Variants in FKBP1A observed in about 807,000 individuals in gnomAD.
The protein encoded by FKBP1A is FKBP prolyl isomerase 1A.
Under a neutral mutation model 14.2 loss-of-function variants are expected in FKBP1A, and 5 were observed. The observed-to-expected ratio is 0.35, with a 90% confidence interval of 0.18 to 0.74. The LOEUF is 0.74. Ranked by LOEUF, FKBP1A falls within the 30% of genes least tolerant of loss-of-function variation. The pLI, the probability that FKBP1A is intolerant of heterozygous loss-of-function variation, is 0.56. For synonymous variants in FKBP1A, 42 were observed against 49.1 expected, an observed-to-expected ratio of 0.86 and a Z score of 0.60; for missense variants, 53 against 138.8, an observed-to-expected ratio of 0.38 and a Z score of 3.10.
intron 3 of FKBP1A, among the ~76,000 whole-genome samples, chr20:1,372,654 AAT>A (rs1278744488): frequency 1.3e-5 from 2 of 152,254 alleles, no homozygotes; most frequent in African/African-American, 2.4e-5. Flanking sequence ...GCTTTAAAAA[AAT>A]ATATACACAG....
At chr20:1,388,344 G>T (rs1010193594) in intron 2 of FKBP1A, among the ~76,000 whole-genome samples, 4 of 152,152 alleles carry the variant, frequency 2.6e-5, no homozygotes, top group Non-Finnish European at 5.9e-5. Context: ...AAAAAACAGC[G>T]TAAGGACTCT....
Position 1,369,542 on chromosome 20 carries a change from C to T in FKBP1A, c.*567G>A, listed in dbSNP as rs1449195702. ...GGTGGAGGCAAAGGCTCTCCCCATC[C>T]CCACCTCAGTTTTAGGTAGGGCTTT... On this transcript the variant is annotated 3_prime_UTR_variant, in exon 5 of 5. Coordinates refer to ENST00000400137, the MANE Select transcript of FKBP1A (RefSeq NM_000801.5). The T allele has an allele frequency of 6.0e-6, 1 of 167,514 alleles. No individual in the cohort carries two copies. Among genetic ancestry groups the T allele is most frequent in the Non-Finnish European group, 1.5e-5 (1 of 68,478 alleles). The allele number at this position is 167,514 out of a possible 1,614,324, so 10.4% of individuals were successfully genotyped here.
intron 2 of FKBP1A, among the ~76,000 whole-genome samples, chr20:1,383,220 T>C (rs373393816): frequency 1.3e-5 from 2 of 152,306 alleles, no homozygotes; most frequent in East Asian, 3.9e-4. Flanking sequence ...CTCTACAGAC[T>C]TATGGCTTCA....
At chr20:1,390,672 A>G (rs2089724861) in intron 2 of FKBP1A, among the ~76,000 whole-genome samples, 1 of 151,980 alleles carries the variant, frequency 6.6e-6, no homozygotes, top group South Asian at 2.1e-4. Context: ...TACAGATGAG[A>G]TCTCCCAGTG....
At chr20:1,388,766 A>G (rs910899691) in intron 2 of FKBP1A, among the ~76,000 whole-genome samples, 8 of 152,194 alleles carry the variant, frequency 5.3e-5, no homozygotes, top group Non-Finnish European at 1.2e-4. Context: ...GGGGGCGGGC[A>G]TTAAAAGCCA....
At chr20:1,370,978 T>C in intron 4 of FKBP1A, 1 of 985,332 alleles carries the variant, frequency 1.0e-6, no homozygotes, top group Non-Finnish European at 1.2e-6. Flanking sequence ...ATTACCAAGG[T>C]GTGTGTGGTT....
intron 2 of FKBP1A, chr20:1,376,857 C>T (rs866718440): frequency 1.1e-4 from 16 of 152,144 alleles, no homozygotes; most frequent in South Asian, 4.1e-4. Flanking sequence ...ACTCCAGAGA[C>T]GCTATGAGAA....
rs1056771956 is a variant in FKBP1A at position 1,375,392 on chromosome 20, T to C, written c.198+99A>G. On this transcript the variant is annotated intron_variant, in intron 3 of 4. Transcript: ENST00000400137. ...ATGGGATGGCATGAGGGTGAGACTTTTCACTTTTTTTATTTTTGAACCGTA... is the reference window on the plus strand; with the variant it reads ...ATGGGATGGCATGAGGGTGAGACTTCTCACTTTTTTTATTTTTGAACCGTA... The C allele has an allele frequency of 3.6e-6, 3 of 827,824 alleles. No homozygotes were observed. In the African/African-American group the frequency reaches 5.2e-5, roughly 14 times the overall value. The allele number at this position is 827,824 out of a possible 1,614,324, so 51.3% of individuals were successfully genotyped here.
intron 4 of FKBP1A, 35 bp from the exon 5 acceptor site, chr20:1,370,107 A>ACTCAGTGTTCTTTGTGTGCAGTGGC: frequency 6.5e-7 from 1 of 1,542,342 alleles, no homozygotes; most frequent in Non-Finnish European, 8.7e-7. Flanking sequence ...GTTTCCAGCA[A>ACTCAGTGTTCTTTGTGTGCAGTGGC]CTCAGTGTTC....
chr20:1,392,937 C>T (rs2089759564), intron 1 of FKBP1A, 25 bp downstream of exon 1: 2 of 1,450,714 alleles, frequency 1.4e-6, no homozygotes, highest in African/African-American at 1.5e-5. Context: ...AGAGGTACTC[C>T]GAGCCGCCGC....
chr20:1,389,877 T>C (rs1174239468), intron 2 of FKBP1A, among the ~76,000 whole-genome samples: 1 of 152,118 alleles, frequency 6.6e-6, no homozygotes, highest in East Asian at 1.9e-4. Flanking sequence ...GCAGCTTACC[T>C]TTCCACCACC....
rs1226197285 is a variant in FKBP1A at position 1,392,973 on chromosome 20, G to A, written c.26C>T (p.Ser9Phe). 63 of 1,498,128 alleles carry A rather than the reference G, an allele frequency of 4.2e-5. No homozygotes were observed. The highest frequency in any genetic ancestry group is 5.3e-5 in the Non-Finnish European group (60 of 1,131,164). The allele number at this position is 1,498,128 out of a possible 1,614,324, so 92.8% of individuals were successfully genotyped here. A position where few individuals can be genotyped will look rare whatever the true frequency, so the allele number is the denominator to read the frequency against. MGVQVETI[S>F]PGDGRTFPKR... ...GCGCCACTACTCACCGTCTCCTGGG[G>A]AGATGGTTTCCACCTGCACTCCCAT... Residue 9 changes from serine (S) to phenylalanine (F), a missense_variant, in exon 1 of 5, where the codon TCC becomes TTC. Ser to Phe is a radical substitution (Grantham distance 155). Coordinates refer to ENST00000400137, the MANE Select transcript of FKBP1A (RefSeq NM_000801.5).
chr20:1,370,805 TAC>T, intron 4 of FKBP1A: 1 of 985,256 alleles, frequency 1.0e-6, no homozygotes, highest in Non-Finnish European at 1.2e-6. Flanking sequence ...CTCCCTCGAG[TAC>T]AGTTATGTTC....
At chr20:1,387,979 G>A (rs2089685474) in intron 2 of FKBP1A, among the ~76,000 whole-genome samples, 1 of 151,120 alleles carries the variant, frequency 6.6e-6, no homozygotes, top group Admixed American at 6.6e-5. Flanking sequence ...CTTCTTCAGG[G>A]GAGAATGATC....
At chr20:1,392,712 T>C (rs1282175777) in intron 2 of FKBP1A, 122 bp downstream of exon 2, 20 of 630,100 alleles carry the variant, frequency 3.2e-5, no homozygotes, top group Non-Finnish European at 3.6e-5. Flanking sequence ...CCTCGGGCCA[T>C]GCGGACCTCG....
Position 1,386,483 on chromosome 20 carries a change from G to C in FKBP1A, c.85+6351C>G, listed in dbSNP as rs908974503. On this transcript the variant is annotated intron_variant, in intron 2 of 4. Coordinates refer to ENST00000400137, the MANE Select transcript of FKBP1A (RefSeq NM_000801.5). The surrounding 1 kb of genome is among the most constrained non-coding windows in gnomAD (Gnocchi z 4.7). ...TGGGTCTGGCCTCCTGGAGCCTTCA[G>C]TCGGTTGGGGAAAGAGCAGATGTTT... 1.3e-5 allele frequency among the ~76,000 whole-genome samples: 2 copies of C among 152,266 alleles called. No homozygotes were observed. Among genetic ancestry groups the C allele is most frequent in the Non-Finnish European group, 2.9e-5 (2 of 68,048 alleles).
intron 2 of FKBP1A, 25 bp downstream of exon 2, chr20:1,392,809 C>A: frequency 6.7e-7 from 1 of 1,481,512 alleles, no homozygotes. Flanking sequence ...GCCCGGGCCC[C>A]CTCCCCGCTG....
chr20:1,372,464 A>C (rs2089479205), intron 3 of FKBP1A, among the ~76,000 whole-genome samples: 1 of 152,200 alleles, frequency 6.6e-6, no homozygotes, highest in Non-Finnish European at 1.5e-5. Context: ...TGGCAGTTCA[A>C]AACCCCTCCT....
At chr20:1,390,616 C>T (rs1376771621) in intron 2 of FKBP1A, among the ~76,000 whole-genome samples, 1 of 152,156 alleles carries the variant, frequency 6.6e-6, no homozygotes, top group East Asian at 1.9e-4. Context: ...TGATCATGTT[C>T]CCCCAAGATG....
Sources: allele counts gnomAD v4.1 joint callset (sites outside exome capture counted in the v4.1 genomes callset), GRCh38; gene constraint gnomAD v4.1.1; non-coding constraint Gnocchi (gnomAD v3.1); transcripts MANE v1.5; gene names NCBI Gene and HGNC (gene_info 2026-07-23, HGNC 2026-07-21).